NR5A1: variants seen among roughly 807,000 people sequenced by gnomAD.
The protein encoded by NR5A1 is nuclear receptor subfamily 5 group A member 1, also known as steroidogenic factor 1.
Under a neutral mutation model 42.7 loss-of-function variants are expected in NR5A1, and 6 were observed. That is an observed-to-expected ratio of 0.14 (90% CI 0.08 to 0.28). The LOEUF is 0.28. Ranked by LOEUF, NR5A1 falls within the 10% of genes least tolerant of loss-of-function variation. The probability of loss-of-function intolerance (pLI) is 1.00; values close to 1 mark genes in which losing one functional copy is unlikely to be tolerated. For synonymous variants in NR5A1, 274 were observed against 277.5 expected, an observed-to-expected ratio of 0.99 and a Z score of 0.12; for missense variants, 442 against 626.4, an observed-to-expected ratio of 0.71 and a Z score of 3.14.
rs1385999041 is a variant in NR5A1 at position 124,491,135 on chromosome 9, G to T, written c.1084C>A (p.Gln362Lys). ...QELVLQLLAL[Q>K]LDRQEFVCLK... ...CAGACAAACTCCTGCCGGTCCAGCT[G>T]CAGCGCAAGCAGCTGCAGCACCAGC... Residue 362 changes from glutamine (Q) to lysine (K), a missense_variant, in exon 6 of 7, where the codon CAG becomes AAG. By Grantham distance (53) the Gln-to-Lys change is moderately conservative. Coordinates refer to ENST00000373588, the MANE Select transcript of NR5A1 (RefSeq NM_004959.5). The T allele has an allele frequency of 6.2e-7, 1 of 1,608,372 alleles. No homozygotes were observed.
chr9:124,486,834 G>T (rs1028762986), intron 6 of NR5A1, among the ~76,000 whole-genome samples: 1 of 152,198 alleles, frequency 6.6e-6, no homozygotes, highest in African/African-American at 2.4e-5. Context: ...ACCTGGAGAC[G>T]CCCCCTTCAT....
intron 5 of NR5A1, among the ~76,000 whole-genome samples, chr9:124,491,870 G>A (rs1441245618): frequency 6.6e-6 from 1 of 151,478 alleles, no homozygotes; most frequent in Non-Finnish European, 1.5e-5. Flanking sequence ...TGGAGATTTT[G>A]CACAATAAAA....
At position 124,501,035 on chromosome 9, in the gene NR5A1, C is replaced by G; in HGVS notation, c.245-320G>C. ...CTCAAACTTTTTTTTTTCTCTTGTG[C>G]TTGCTGAACACCCAGCCTCAATGTC... On this transcript the variant is annotated intron_variant, in intron 3 of 6. Transcript: ENST00000373588. The surrounding 1 kb of genome is among the most constrained non-coding windows in gnomAD (Gnocchi z 4.1). 1 of 631,862 alleles carries G rather than the reference C, an allele frequency of 1.6e-6. No homozygotes were observed. The highest frequency in any genetic ancestry group is 3.0e-6 in the Non-Finnish European group (1 of 330,520). 39.1% of individuals were successfully genotyped at this position (631,862 alleles called of 1,614,324 possible).
chr9:124,503,537 C>T lies in NR5A1; in HGVS notation c.-15-127G>A, dbSNP rs1488446381. On this transcript the variant is annotated intron_variant, in intron 1 of 6. Coordinates refer to ENST00000373588, the MANE Select transcript of NR5A1 (RefSeq NM_004959.5). The surrounding 1 kb of genome is among the most constrained non-coding windows in gnomAD (Gnocchi z 9.6). ...CCTCTCTGTGCCCAGGCGCTGCCGC[C>T]GGCACCCACCGAGCGCCCCGCGCAG... 6.2e-5 allele frequency: 43 copies of T among 689,518 alleles called. 1 individual carries two copies. Among genetic ancestry groups the T allele is most frequent in the Non-Finnish European group, 9.3e-5 (42 of 452,538 alleles). 42.7% of individuals were successfully genotyped at this position (689,518 alleles called of 1,614,324 possible). A position where few individuals can be genotyped will look rare whatever the true frequency, so the allele number is the denominator to read the frequency against.
chr9:124,499,708 C>T (rs1436184486), intron 4 of NR5A1, among the ~76,000 whole-genome samples: 1 of 152,050 alleles, frequency 6.6e-6, no homozygotes, highest in Non-Finnish European at 1.5e-5. Context: ...AGCCCAGGGT[C>T]TCAGAGAATG....
rs979542328 is a variant in NR5A1, at chr9:124,498,788, C to T, written c.870+1302G>A. Among the ~76,000 whole-genome samples the T allele has an allele frequency of 6.6e-6, 1 of 152,186 alleles. No individual in the cohort carries two copies. Among genetic ancestry groups the T allele is most frequent in the Non-Finnish European group, 1.5e-5 (1 of 68,026 alleles). On this transcript the variant is annotated intron_variant, in intron 4 of 6. Coordinates refer to ENST00000373588, the MANE Select transcript of NR5A1 (RefSeq NM_004959.5). This position sits in a 1 kb window ranked among gnomAD's most constrained non-coding sequence, Gnocchi z 4.6. ...CCATGACAGACACATGGTACATCCC[C>T]AGGCCTCAGCCATGACAGGCGCTCC...
In NR5A1 at chr9:124,503,241, C is replaced by A. The variant is rs373046498; in HGVS notation, c.103-21G>T. 1.6e-4 allele frequency: 250 copies of A among 1,603,440 alleles called. No individual in the cohort carries two copies. Among genetic ancestry groups the A allele is most frequent in the Non-Finnish European group, 2.1e-4 (246 of 1,175,806 alleles). Reference sequence around the variant, plus strand: ...AAGCCCTGCGGGAGCTGAGAGTCAGCGAGGCCCCGCAGCGCCCGTCTGCCG... The same window carrying A: ...AAGCCCTGCGGGAGCTGAGAGTCAGAGAGGCCCCGCAGCGCCCGTCTGCCG... On this transcript the variant is annotated intron_variant, in intron 2 of 6. Transcript: ENST00000373588. The surrounding 1 kb of genome is among the most constrained non-coding windows in gnomAD (Gnocchi z 9.6).
At chr9:124,499,966 G>A (rs938709698) in intron 4 of NR5A1, 124 bp downstream of exon 4, 77 of 1,444,670 alleles carry the variant, frequency 5.3e-5, no homozygotes, top group Admixed American at 6.9e-5. Flanking sequence ...GGTGGCCTCC[G>A]GGTCCCCAGG....
At chr9:124,492,873 C>T (rs1403333213) in intron 5 of NR5A1, among the ~76,000 whole-genome samples, 157 bp downstream of exon 5, 1 of 152,224 alleles carries the variant, frequency 6.6e-6, no homozygotes, top group Non-Finnish European at 1.5e-5. Flanking sequence ...AGGGTTTGGG[C>T]CAGTGGGTGT....
intron 3 of NR5A1, among the ~76,000 whole-genome samples, chr9:124,502,474 C>A (rs1224496460): frequency 6.6e-6 from 1 of 152,110 alleles, no homozygotes; most frequent in Non-Finnish European, 1.5e-5. Flanking sequence ...GGACTACAGG[C>A]ACATGTCACC....
intron 1 of NR5A1, among the ~76,000 whole-genome samples, chr9:124,506,138 A>AC (rs1832555948): frequency 6.6e-6 from 1 of 151,706 alleles, no homozygotes; most frequent in East Asian, 1.9e-4. Flanking sequence ...TGGCCAGAGA[A>AC]CCCCCCGCGC....
At chr9:124,485,049 C>T (rs1012854155) in intron 6 of NR5A1, among the ~76,000 whole-genome samples, 7 of 152,140 alleles carry the variant, frequency 4.6e-5, no homozygotes, top group African/African-American at 1.4e-4. Context: ...TGCCCCGCCC[C>T]GACTTGACCA....
intron 6 of NR5A1, among the ~76,000 whole-genome samples, chr9:124,485,931 C>G (rs1270298109): frequency 1.3e-5 from 2 of 152,110 alleles, no homozygotes; most frequent in Admixed American, 6.5e-5. Flanking sequence ...GGACAGGGAC[C>G]AGCTCAAGGC....
At chr9:124,486,024 G>T (rs1334261320) in intron 6 of NR5A1, among the ~76,000 whole-genome samples, 3 of 152,168 alleles carry the variant, frequency 2.0e-5, no homozygotes, top group African/African-American at 7.2e-5. Flanking sequence ...AGGGGCGGGA[G>T]GGGGCTGGGG....
intron 5 of NR5A1, among the ~76,000 whole-genome samples, 195 bp from the exon 6 acceptor site, chr9:124,491,423 C>A (rs1832307704): frequency 6.6e-6 from 1 of 152,136 alleles, no homozygotes; most frequent in Non-Finnish European, 1.5e-5. Context: ...CTGCCGGGCC[C>A]ACCCTTCCGA....
intron 1 of NR5A1, among the ~76,000 whole-genome samples, chr9:124,506,596 G>A (rs1039530134): frequency 1.3e-5 from 2 of 152,174 alleles, no homozygotes; most frequent in African/African-American, 4.8e-5. Flanking sequence ...CAGCCGCCGG[G>A]GTTGGGTGGG....
Position 124,482,705 on chromosome 9 carries a change from C to CCG in NR5A1, c.*52_*53insCG. On this transcript the variant is annotated 3_prime_UTR_variant, in exon 7 of 7. Coordinates refer to ENST00000373588, the MANE Select transcript of NR5A1 (RefSeq NM_004959.5). Reference sequence around the variant, plus strand: ...CCAGCGGTGTGGCTGCGGCCCCGCCCAGGCCCCGCCCCCAGTCCCGCCCCC... The same window carrying CCG: ...CCAGCGGTGTGGCTGCGGCCCCGCCCCGAGGCCCCGCCCCCAGTCCCGCCCCC... 3 of 633,278 alleles carry CCG rather than the reference C, an allele frequency of 4.7e-6. No individual in the cohort carries two copies. The highest frequency in any genetic ancestry group is 5.5e-6 in the Non-Finnish European group (2 of 361,900). The allele number at this position is 633,278 out of a possible 1,614,324, so 39.2% of individuals were successfully genotyped here. A position where few individuals can be genotyped will look rare whatever the true frequency, so the allele number is the denominator to read the frequency against.
At position 124,496,822 on chromosome 9, in the gene NR5A1, C is replaced by G. The variant is rs1281790334; in HGVS notation, c.870+3268G>C. ...GGATGTCAAAATGGGTCACTGGGCA[C>G]TCCTGGCCCCCACCGTCCCCCCGGG... On this transcript the variant is annotated intron_variant, in intron 4 of 6. Coordinates refer to ENST00000373588, the MANE Select transcript of NR5A1 (RefSeq NM_004959.5). The surrounding 1 kb of genome is among the most constrained non-coding windows in gnomAD (Gnocchi z 5.0). 6.6e-6 allele frequency among the ~76,000 whole-genome samples: 1 copy of G among 152,130 alleles called. No individual in the cohort carries two copies. Among genetic ancestry groups the G allele is most frequent in the Non-Finnish European group, 1.5e-5 (1 of 68,008 alleles).
chr9:124,504,031 AGAGAGAGAGAGAGAGAGAGAC>A (rs1272604775), intron 1 of NR5A1, among the ~76,000 whole-genome samples: 7 of 131,776 alleles, frequency 5.3e-5, no homozygotes, highest in African/African-American at 2.5e-4. Flanking sequence ...AGACAGAGAG[AGAGAGAGAGAGAGAGAGAGAC>A]GAGAGAGAGA....
Sources: allele counts gnomAD v4.1 joint callset (sites outside exome capture counted in the v4.1 genomes callset), GRCh38; gene constraint gnomAD v4.1.1; non-coding constraint Gnocchi (gnomAD v3.1); transcripts MANE v1.5; gene names NCBI Gene and HGNC (gene_info 2026-07-23, HGNC 2026-07-21).